Variants in PCDHGA7 observed in about 807,000 individuals in gnomAD.
PCDHGA7 encodes the protein protocadherin gamma-A7.
In PCDHGA7, 44 loss-of-function variants were observed where a neutral mutation model predicts 58.3. The observed-to-expected ratio is 0.75, with a 90% CI of 0.59 to 0.97. The LOEUF (loss-of-function observed/expected upper bound fraction) is 0.97, where lower values mean the gene tolerates loss of function less well. Among genes scored for constraint, PCDHGA7 ranks in the 50% least tolerant of loss-of-function variants. PCDHGA7 has a pLI of 0.00. For synonymous variants in PCDHGA7, 516 were observed against 504.2 expected, an observed-to-expected ratio of 1.02 and a Z score of -0.31; for missense variants, 1,266 against 1,188.7, an observed-to-expected ratio of 1.06 and a Z score of -0.96.
intron 1 of PCDHGA7, chr5:141,414,536 C>T (rs2095757034): frequency 6.2e-7 from 1 of 1,613,976 alleles, no homozygotes; most frequent in African/African-American, 1.3e-5. Context: ...GACAACCCAC[C>T]TACCTTCTCT....
rs575856599 is a variant in PCDHGA7 at position 141,399,712 on chromosome 5, C to T, written c.2424+14389C>T. ...GCTGCGCACCTTCGAACTCACACTA[C>T]AGGCCCGCGACCAGGGCTCGCCTGC... On this transcript the variant is annotated intron_variant, in intron 1 of 3. Transcript: ENST00000518325. The T allele has an allele frequency of 7.4e-6, 12 of 1,613,378 alleles. No individual in the cohort carries two copies. In the East Asian group the frequency reaches 2.2e-4, roughly 30 times the overall value.
At chr5:141,417,795 T>C in intron 1 of PCDHGA7, 1 of 1,483,780 alleles carries the variant, frequency 6.7e-7, no homozygotes, top group Non-Finnish European at 9.0e-7. Context: ...AATGCTCTTT[T>C]AGCGCGGTAG....
At position 141,461,300 on chromosome 5, in the gene PCDHGA7, A is replaced by G. The variant is rs889981233; in HGVS notation, c.2425-33507A>G. Among the ~76,000 whole-genome samples, 10 of 152,106 alleles carry G rather than the reference A, an allele frequency of 6.6e-5. No individual in the cohort carries two copies. In the East Asian group the frequency reaches 1.4e-3, roughly 21 times the overall value. On this transcript the variant is annotated intron_variant, in intron 1 of 3. Transcript: ENST00000518325. The stretch of plus-strand genomic sequence containing the variant: ...TTTCCCCACATCCACACCAACATCT[A>G]TTGTTTTTTGACTTTTTAATAATGG...
chr5:141,431,527 C>T lies in PCDHGA7; in HGVS notation c.2424+46204C>T. The T allele has an allele frequency of 1.2e-6, 2 of 1,614,086 alleles. No homozygotes were observed. The highest frequency in any genetic ancestry group is 2.2e-5 in the East Asian group (1 of 44,888). ...GCGCGAGCGTTCCGGAGAATCTGGC[C>T]TTGGGCACGCAGCTGCTTGTAGTCA... On this transcript the variant is annotated intron_variant, in intron 1 of 3. Coordinates refer to ENST00000518325, the MANE Select transcript of PCDHGA7 (RefSeq NM_018920.4). This position sits in a 1 kb window ranked among gnomAD's most constrained non-coding sequence, Gnocchi z 4.8.
intron 1 of PCDHGA7, among the ~76,000 whole-genome samples, chr5:141,438,497 T>C (rs1274742357): frequency 6.7e-6 from 1 of 149,116 alleles, no homozygotes; most frequent in African/African-American, 2.5e-5. Flanking sequence ...GAAAAAAGAA[T>C]CATAGTGCAA....
At chr5:141,423,722 GT>G in intron 1 of PCDHGA7, 1 of 954,176 alleles carries the variant, frequency 1.0e-6, no homozygotes, top group Admixed American at 5.1e-5. Flanking sequence ...TTAAGGAGAT[GT>G]TTTTTGAGCC....
intron 1 of PCDHGA7, among the ~76,000 whole-genome samples, chr5:141,407,274 A>G (rs763803896): frequency 2.0e-5 from 3 of 152,232 alleles, no homozygotes; most frequent in Non-Finnish European, 2.9e-5. Context: ...GCAACAAGAA[A>G]ATTGTTACAA....
At position 141,485,122 on chromosome 5, in the gene PCDHGA7, G is replaced by C. The variant is rs1000179570; in HGVS notation, c.2425-9685G>C. The stretch of plus-strand genomic sequence containing the variant: ...CAGCTGCTGTGGCTGTTTGGGGCGG[G>C]TCGGCTTCATCCGCGTCTCAGGAGC... On this transcript the variant is annotated intron_variant, in intron 1 of 3. Transcript: ENST00000518325. This position sits in a 1 kb window ranked among gnomAD's most constrained non-coding sequence, Gnocchi z 5.7. The C allele has an allele frequency of 4.3e-6, 6 of 1,387,506 alleles. No individual in the cohort carries two copies. In the African/African-American group the frequency reaches 8.5e-5, roughly 20 times the overall value. The allele number at this position is 1,387,506 out of a possible 1,614,324, so 85.9% of individuals were successfully genotyped here. A position where few individuals can be genotyped will look rare whatever the true frequency, so the allele number is the denominator to read the frequency against.
intron 1 of PCDHGA7, chr5:141,414,177 T>G (rs370827396): frequency 1.7e-5 from 28 of 1,607,906 alleles, no homozygotes; most frequent in Non-Finnish European, 2.2e-5. Flanking sequence ...ATCTTGCAAC[T>G]GCAAAAGTGT....
At position 141,477,369 on chromosome 5, in the gene PCDHGA7, A is replaced by G; in HGVS notation, c.2425-17438A>G. The G allele has an allele frequency of 6.2e-7, 1 of 1,614,164 alleles. No individual in the cohort carries two copies. Among genetic ancestry groups the G allele is most frequent in the Non-Finnish European group, 8.5e-7 (1 of 1,180,026 alleles). ...AAAACCAGTGCAGACCTGGATCGGG[A>G]GACTGTGCCAGAATACAACCTCAGC... On this transcript the variant is annotated intron_variant, in intron 1 of 3. Transcript: ENST00000518325. The surrounding 1 kb of genome is among the most constrained non-coding windows in gnomAD (Gnocchi z 4.9).
chr5:141,489,066 C>G lies in PCDHGA7; in HGVS notation c.2425-5741C>G. The stretch of plus-strand genomic sequence containing the variant: ...CACTCAAATTCAGCTCCCCTCCCCC[C>G]TGCCCACCCCCGCCACTCGGTGACT... On this transcript the variant is annotated intron_variant, in intron 1 of 3. Transcript: ENST00000518325. This position sits in a 1 kb window ranked among gnomAD's most constrained non-coding sequence, Gnocchi z 4.5. 1 of 391,132 alleles carries G rather than the reference C, an allele frequency of 2.6e-6. No individual in the cohort carries two copies. Among genetic ancestry groups the G allele is most frequent in the South Asian group, 4.2e-5 (1 of 24,028 alleles). 24.2% of individuals were successfully genotyped at this position (391,132 alleles called of 1,614,324 possible).
At position 141,436,706 on chromosome 5, in the gene PCDHGA7, A is replaced by G. The variant is rs149478256; in HGVS notation, c.2424+51383A>G. 3.9e-3 allele frequency among the ~76,000 whole-genome samples: 587 copies of G among 152,318 alleles called. 6 individuals are homozygous for G. Among genetic ancestry groups the G allele is most frequent in the Admixed American group, 0.011 (169 of 15,304 alleles). On this transcript the variant is annotated intron_variant, in intron 1 of 3. Transcript: ENST00000518325. ...TATATTTTCAATGCCAGCACACTCG[A>G]TGTTCTGTTGGGAAAAATAATAATG...
intron 1 of PCDHGA7, among the ~76,000 whole-genome samples, chr5:141,480,960 A>G (rs954219522): frequency 1.3e-5 from 2 of 152,190 alleles, no homozygotes; most frequent in African/African-American, 4.8e-5. Context: ...CGGAAGCATC[A>G]GTGAGGGAGA....
At chr5:141,499,548 A>G (rs1312910986) in intron 2 of PCDHGA7, among the ~76,000 whole-genome samples, 3 of 152,226 alleles carry the variant, frequency 2.0e-5, no homozygotes, top group African/African-American at 7.2e-5. Flanking sequence ...ATGAACCTGT[A>G]TGATACCACT....
intron 1 of PCDHGA7, chr5:141,400,525 G>T: frequency 1.2e-6 from 2 of 1,613,908 alleles, no homozygotes; most frequent in Non-Finnish European, 1.7e-6. Flanking sequence ...TCCTGAGTTG[G>T]TGAGTTTCAT....
rs760017836 is a variant in PCDHGA7, at chr5:141,432,060, C to G, written c.2424+46737C>G. 1.2e-6 allele frequency: 2 copies of G among 1,614,200 alleles called. No homozygotes were observed. The highest frequency in any genetic ancestry group is 1.7e-6 in the Non-Finnish European group (2 of 1,180,048). ...GACCGGGGAACCCCGCCCCTATCCACGGAAACTCATATCTCGCTGAACGTG... is the reference window on the plus strand; with the variant it reads ...GACCGGGGAACCCCGCCCCTATCCAGGGAAACTCATATCTCGCTGAACGTG... On this transcript the variant is annotated intron_variant, in intron 1 of 3. Coordinates refer to ENST00000518325, the MANE Select transcript of PCDHGA7 (RefSeq NM_018920.4). The surrounding 1 kb of genome is among the most constrained non-coding windows in gnomAD (Gnocchi z 6.0).
In PCDHGA7 at chr5:141,383,179, G is replaced by A. The variant is rs1387934089; in HGVS notation, c.280G>A (p.Glu94Lys). The A allele has an allele frequency of 1.2e-6, 2 of 1,614,006 alleles. No homozygotes were observed. Among genetic ancestry groups the A allele is most frequent in the Admixed American group, 1.7e-5 (1 of 60,016 alleles). The change falls in exon 1 of 4, where the codon GAG becomes AAG. Residue 94 changes from glutamate (E) to lysine (K), a missense_variant. By Grantham distance (56) the Glu-to-Lys change is moderately conservative. Coordinates refer to ENST00000518325, the MANE Select transcript of PCDHGA7 (RefSeq NM_018920.4). ...CACTGCGGGCAGGATAGACCGGGAA[G>A]AGATCTGCGCTCAGAGTGCGCGGTG... is the stretch of plus-strand genomic sequence containing the variant. ...LVTAGRIDRE[E>K]ICAQSARCLV...
intron 1 of PCDHGA7, among the ~76,000 whole-genome samples, chr5:141,462,363 G>C (rs1425898350): frequency 6.6e-6 from 1 of 152,132 alleles, no homozygotes; most frequent in Non-Finnish European, 1.5e-5. Context: ...ACATTGTATA[G>C]TTTCTATTCT....
At chr5:141,413,562 T>C in intron 1 of PCDHGA7, 1 of 1,613,850 alleles carries the variant, frequency 6.2e-7, no homozygotes, top group Non-Finnish European at 8.5e-7. Context: ...AAGTAACTGA[T>C]ATCAATGACA....
Sources: allele counts gnomAD v4.1 joint callset (sites outside exome capture counted in the v4.1 genomes callset), GRCh38; gene constraint gnomAD v4.1.1; non-coding constraint Gnocchi (gnomAD v3.1); transcripts MANE v1.5; gene names NCBI Gene and HGNC (gene_info 2026-07-23, HGNC 2026-07-21).